The following MTCL2 variants were observed in gnomAD, a reference collection of about 807,000 sequenced individuals.
MTCL2 encodes the protein microtubule crosslinking factor 2, also known as microtubule cross-linking factor 2.
chr20:36,802,782 G>C, the MTCL2 span: 1 of 1,497,194 alleles, frequency 6.7e-7, no homozygotes, highest in Non-Finnish European at 9.0e-7. Flanking sequence ...ACCTGAAGGA[G>C]TTCCTGCTTC....
chr20:36,790,801 C>T, the MTCL2 span, among the ~76,000 whole-genome samples: 1 of 151,042 alleles, frequency 6.6e-6, no homozygotes, highest in Admixed American at 6.6e-5. Flanking sequence ...GTCTTGAACT[C>T]CTAGCTCAAG....
chr20:36,861,410 TC>T, the MTCL2 span, among the ~76,000 whole-genome samples: 1 of 152,228 alleles, frequency 6.6e-6, no homozygotes, highest in Admixed American at 6.5e-5. Context: ...ACCTTGTCCT[TC>T]CATACTACAA....
the MTCL2 span, chr20:36,863,317 C>T: frequency 1.7e-6 from 2 of 1,181,912 alleles, no homozygotes; most frequent in Non-Finnish European, 2.1e-6. This position sits in a 1 kb window ranked among gnomAD's most constrained non-coding sequence, Gnocchi z 6.2. Context: ...CAGCCCCGGA[C>T]CGGGGGCTCG....
At chr20:36,805,660 G>A in the MTCL2 span, among the ~76,000 whole-genome samples, 1 of 152,164 alleles carries the variant, frequency 6.6e-6, no homozygotes, top group Non-Finnish European at 1.5e-5. Context: ...ATACTGCAAA[G>A]AGAATTACTT....
the MTCL2 span, among the ~76,000 whole-genome samples, chr20:36,810,334 C>A: frequency 6.6e-6 from 1 of 152,170 alleles, no homozygotes; most frequent in Non-Finnish European, 1.5e-5. Context: ...GGAACTTGTT[C>A]TTTTCTCTCT....
At chr20:36,787,921 C>G in the MTCL2 span, among the ~76,000 whole-genome samples, 105 of 141,498 alleles carry the variant, frequency 7.4e-4, no homozygotes, top group African/African-American at 2.6e-3. Context: ...TGCTGGACAG[C>G]TGGCCATGGT....
chr20:36,814,803 C>T, the MTCL2 span, among the ~76,000 whole-genome samples: 10 of 152,300 alleles, frequency 6.6e-5, no homozygotes, highest in South Asian at 2.1e-3. Flanking sequence ...AGGAGAATCG[C>T]TTGAACCTGG....
chr20:36,847,092 C>G, the MTCL2 span, among the ~76,000 whole-genome samples: 1 of 152,206 alleles, frequency 6.6e-6, no homozygotes, highest in African/African-American at 2.4e-5. Context: ...TATCAGTTGA[C>G]AGTTTAATCC....
chr20:36,808,511 A>T, the MTCL2 span: 1 of 1,583,044 alleles, frequency 6.3e-7, no homozygotes, highest in Non-Finnish European at 8.6e-7. Context: ...GCCCAATCTT[A>T]CCTCGAGGAA....
At chr20:36,822,955 C>T in the MTCL2 span, among the ~76,000 whole-genome samples, 4 of 152,138 alleles carry the variant, frequency 2.6e-5, no homozygotes, top group African/African-American at 9.7e-5. Context: ...AATGGGATTT[C>T]GCCATGTTGC....
At chr20:36,832,155 G>A in the MTCL2 span, among the ~76,000 whole-genome samples, 6 of 152,244 alleles carry the variant, frequency 3.9e-5, no homozygotes, top group African/African-American at 1.4e-4. Flanking sequence ...ATGAATGAGT[G>A]AATGACTGAA....
At chr20:36,861,526 G>C in the MTCL2 span, among the ~76,000 whole-genome samples, 11 of 151,592 alleles carry the variant, frequency 7.3e-5, no homozygotes, top group African/African-American at 2.7e-4. Flanking sequence ...AGCCCATTTG[G>C]TCAGAAGAGC....
At chr20:36,784,389 T>TA in the MTCL2 span, 1 of 985,510 alleles carries the variant, frequency 1.0e-6, no homozygotes, top group African/African-American at 1.7e-5. Flanking sequence ...GGACTTGGGG[T>TA]AACTGGTCCA....
the MTCL2 span, chr20:36,777,528 G>A: frequency 2.5e-6 from 1 of 399,748 alleles, no homozygotes; most frequent in Non-Finnish European, 4.4e-6. Context: ...TCTCATGTCT[G>A]AAATAAGACA....
At chr20:36,850,537 A>AT in the MTCL2 span, among the ~76,000 whole-genome samples, 2 of 151,888 alleles carry the variant, frequency 1.3e-5, no homozygotes, top group Admixed American at 6.6e-5. Context: ...CCAAAAAAAA[A>AT]AGAAAAAAAA....
At chr20:36,786,195 G>A in the MTCL2 span, 1 of 1,063,918 alleles carries the variant, frequency 9.4e-7, no homozygotes, top group Admixed American at 4.8e-5. Context: ...TAGGACCCAG[G>A]GATCGGCTCT....
At chr20:36,785,774 C>A in the MTCL2 span, 1 of 985,538 alleles carries the variant, frequency 1.0e-6, no homozygotes, top group Non-Finnish European at 1.2e-6. Context: ...CAATTGCAAT[C>A]ACTCCCCAAC....
At chr20:36,844,015 A>G in the MTCL2 span, among the ~76,000 whole-genome samples, 1 of 152,168 alleles carries the variant, frequency 6.6e-6, no homozygotes, top group Non-Finnish European at 1.5e-5. Flanking sequence ...AGGCCGGCAG[A>G]TCACGATGTC....
chr20:36,825,645 G>A, the MTCL2 span, among the ~76,000 whole-genome samples: 3 of 152,176 alleles, frequency 2.0e-5, no homozygotes, highest in East Asian at 1.9e-4. Flanking sequence ...GTTCCCAGCC[G>A]GGTGACAGCA....
Sources: allele counts gnomAD v4.1 joint callset (sites outside exome capture counted in the v4.1 genomes callset), GRCh38; gene constraint gnomAD v4.1.1; non-coding constraint Gnocchi (gnomAD v3.1); transcripts MANE v1.5; gene names NCBI Gene and HGNC (gene_info 2026-07-23, HGNC 2026-07-21).